Variants in EBF2 observed in about 807,000 individuals in gnomAD.
EBF2 encodes EBF transcription factor 2, also known as transcription factor COE2.
EBF2 carries 21 observed loss-of-function variants against 72.8 expected under a neutral mutation model. The ratio of observed to expected loss-of-function variants is 0.29; its 90% CI spans 0.20 to 0.42. EBF2 has a LOEUF of 0.42. Ranked by LOEUF, EBF2 falls within the 10% of genes least tolerant of loss-of-function variation. EBF2 has a pLI of 1.00. For missense variants in EBF2, 637 were observed against 731.2 expected (o/e 0.87, Z 1.49); for synonymous variants, 299 against 274.2 (o/e 1.09, Z -0.89).
intron 10 of EBF2, among the ~76,000 whole-genome samples, chr8:25,885,806 A>C (rs1162457067): frequency 6.6e-6 from 1 of 152,192 alleles, no homozygotes; most frequent in African/African-American, 2.4e-5. Flanking sequence ...AGTCCATTGA[A>C]ACTCTTTTTC....
At chr8:25,933,814 T>C (rs1024104741) in intron 6 of EBF2, among the ~76,000 whole-genome samples, 2 of 152,108 alleles carry the variant, frequency 1.3e-5, no homozygotes, top group Admixed American at 1.3e-4. Flanking sequence ...AAACATAAGA[T>C]TATCACATTT....
chr8:25,977,795 G>A (rs1001267756), intron 6 of EBF2, among the ~76,000 whole-genome samples: 3 of 152,078 alleles, frequency 2.0e-5, no homozygotes, highest in Non-Finnish European at 4.4e-5. Flanking sequence ...ACATTTTCCT[G>A]GCTACAGAAA....
In EBF2 at chr8:25,862,738, G is replaced by T. The variant is rs755900692; in HGVS notation, c.1069C>A (p.His357Asn). The change falls in exon 11 of 16, where the codon CAT becomes AAT. Residue 357 changes from histidine to asparagine, a missense_variant. This residue lies in a region of EBF2 where 204 missense variants were observed against 301.2 expected (regional missense o/e 0.68). Transcript: ENST00000520164. ...GCTAATCTCTCAGGATCTCCAGGATGCCTAGGGATGACCTTCTGCAGTCTC... is the reference window on the plus strand; with the variant it reads ...GCTAATCTCTCAGGATCTCCAGGATTCCTAGGGATGACCTTCTGCAGTCTC... Reference protein sequence around the residue: ...FQRLQKVIPRHPGDPERLAKE... With the variant: ...FQRLQKVIPRNPGDPERLAKE... The T allele has an allele frequency of 6.2e-7, 1 of 1,601,746 alleles. No individual in the cohort carries two copies. The highest frequency in any genetic ancestry group is 1.1e-5 in the South Asian group (1 of 89,706).
intron 6 of EBF2, among the ~76,000 whole-genome samples, chr8:26,018,931 T>TAA (rs1176680985): frequency 0.024 from 2,613 of 107,482 alleles, 49 homozygotes; most frequent in Non-Finnish European, 0.034. Flanking sequence ...TCCATGGCAA[T>TAA]AAAAAAAAAA....
intron 6 of EBF2, among the ~76,000 whole-genome samples, chr8:26,000,853 C>A (rs943368467): frequency 2.0e-5 from 3 of 152,174 alleles, no homozygotes; most frequent in African/African-American, 7.2e-5. Context: ...AAAATGCCAG[C>A]CGAAGAGCTA....
Position 26,042,205 on chromosome 8 carries a change from T to A in EBF2, c.178A>T (p.Asn60Tyr). The change falls in exon 2 of 16, where the codon AAC becomes TAC. Residue 60 changes from asparagine (N) to tyrosine (Y), a missense_variant. By Grantham distance (143) the Asn-to-Tyr change is moderately radical. Transcript: ENST00000520164. ...RAHFEKQPPS[N>Y]LRKSNFFHFV... The stretch of plus-strand genomic sequence containing the variant: ...TGAAAGAAGTTGGATTTCCTCAAGT[T>A]GGAAGGAGGCTGTTTCTCAAAGTGG... The A allele has an allele frequency of 6.2e-7, 1 of 1,614,036 alleles. No homozygotes were observed. Among genetic ancestry groups the A allele is most frequent in the Non-Finnish European group, 8.5e-7 (1 of 1,179,988 alleles).
intron 13 of EBF2, among the ~76,000 whole-genome samples, chr8:25,859,249 G>T (rs978950411): frequency 2.6e-5 from 4 of 152,156 alleles, no homozygotes; most frequent in Non-Finnish European, 5.9e-5. Flanking sequence ...TAAATAAACT[G>T]GTTTAACTTT....
chr8:25,853,515 C>G (rs892332465), intron 14 of EBF2, among the ~76,000 whole-genome samples: 1 of 147,614 alleles, frequency 6.8e-6, no homozygotes, highest in African/African-American at 2.5e-5. Context: ...CTTAACAGGG[C>G]GGGGAAACAT....
intron 6 of EBF2, among the ~76,000 whole-genome samples, chr8:25,937,587 C>A (rs759770202): frequency 6.6e-6 from 1 of 152,132 alleles, no homozygotes; most frequent in Non-Finnish European, 1.5e-5. Flanking sequence ...GTACTGTACA[C>A]GTTTTTCCTT....
At chr8:25,900,684 A>C (rs1435909244) in intron 7 of EBF2, among the ~76,000 whole-genome samples, 2 of 152,184 alleles carry the variant, frequency 1.3e-5, no homozygotes, top group East Asian at 3.8e-4. Flanking sequence ...AATTGAGGTA[A>C]GCATCTTTAT....
intron 6 of EBF2, among the ~76,000 whole-genome samples, chr8:25,968,432 A>G (rs1454558159): frequency 6.6e-6 from 1 of 152,348 alleles, no homozygotes; most frequent in Admixed American, 6.5e-5. Flanking sequence ...TAAACCAGTT[A>G]TGAACGAATA....
At chr8:25,855,429 G>C (rs1802068707) in intron 14 of EBF2, among the ~76,000 whole-genome samples, 2 of 152,272 alleles carry the variant, frequency 1.3e-5, no homozygotes, top group South Asian at 2.1e-4. Flanking sequence ...TTTTGAAGTA[G>C]TGCGAGAGCA....
At chr8:25,862,568 T>C (rs1802229709) in intron 11 of EBF2, 141 bp downstream of exon 11, 1 of 462,588 alleles carries the variant, frequency 2.2e-6, no homozygotes, top group African/African-American at 2.0e-5. Flanking sequence ...ATAGCAGATA[T>C]TTTATGTGCA....
rs770220805 is a variant in EBF2 at position 26,044,749 on chromosome 8, G to A, written c.111C>T (p.Asp37=). 1.2e-6 allele frequency: 2 copies of A among 1,614,078 alleles called. No individual in the cohort carries two copies. Among genetic ancestry groups the A allele is most frequent in the Non-Finnish European group, 1.7e-6 (2 of 1,180,018 alleles). The change falls in exon 1 of 16, where the codon GAC becomes GAT. Residue 37 remains aspartate, a synonymous_variant. Coordinates refer to ENST00000520164, the MANE Select transcript of EBF2 (RefSeq NM_022659.4). This position sits in a 1 kb window ranked among gnomAD's most constrained non-coding sequence, Gnocchi z 4.1. ...RSWVRNVGVV[D]ANVAAQSGVA... ...GTTACCTCTGCGCGGCGACATTAGC[G>A]TCCACCACTCCGACATTCCGGACCC... is the stretch of plus-strand genomic sequence containing the variant.
intron 7 of EBF2, among the ~76,000 whole-genome samples, chr8:25,903,628 C>T (rs1237352007): frequency 2.6e-5 from 4 of 152,074 alleles, no homozygotes; most frequent in Admixed American, 6.5e-5. Context: ...ATCCGGGAGG[C>T]GGAGTTTGCA....
chr8:25,887,046 C>CCTGTCTCTGTCTGTCTCTGTGTATCTGT (rs1802701691), intron 9 of EBF2, among the ~76,000 whole-genome samples, 165 bp from the exon 10 acceptor site: 1 of 152,082 alleles, frequency 6.6e-6, no homozygotes, highest in Non-Finnish European at 1.5e-5. Context: ...ACATCCCTGT[C>CCTGTCTCTGTCTGTCTCTGTGTATCTGT]CTGTCTCTGT....
At chr8:26,000,523 A>C (rs1280255196) in intron 6 of EBF2, among the ~76,000 whole-genome samples, 1 of 152,160 alleles carries the variant, frequency 6.6e-6, no homozygotes, top group African/African-American at 2.4e-5. Flanking sequence ...TAAACTCACT[A>C]TTCATTTGTT....
chr8:25,935,139 C>T (rs552270565), intron 6 of EBF2, among the ~76,000 whole-genome samples: 1 of 152,124 alleles, frequency 6.6e-6, no homozygotes, highest in African/African-American at 2.4e-5. Context: ...GGCCCCCCAT[C>T]CTTCATTCTT....
chr8:25,892,337 G>A (rs1167319270), intron 7 of EBF2, among the ~76,000 whole-genome samples: 1 of 152,070 alleles, frequency 6.6e-6, no homozygotes. Context: ...AGTGGACGGG[G>A]GAACTACTGT....
Sources: gnomAD v4.1 joint callset for allele counts (sites outside exome capture counted in the v4.1 genomes callset) on GRCh38, gnomAD v4.1.1 for gene constraint, gnomAD v4.1.1 regional missense constraint, Gnocchi (gnomAD v3.1) non-coding constraint, MANE v1.5 for transcripts, NCBI Gene and HGNC (gene_info 2026-07-23, HGNC 2026-07-21) for gene names.